The following MORN5 variants were observed in gnomAD, a reference collection of about 807,000 sequenced individuals.
MORN5 encodes the protein MORN repeat-containing protein 5.
Under a neutral mutation model 22.1 loss-of-function variants are expected in MORN5, and 21 were observed. That is an observed-to-expected ratio of 0.95 (90% confidence interval 0.67 to 1.37). The LOEUF (loss-of-function observed/expected upper bound fraction) is 1.37, where lower values mean the gene tolerates loss of function less well. Ranked by LOEUF, MORN5 falls within the 40% of genes most tolerant of loss-of-function variation. The probability of loss-of-function intolerance (pLI) is 0.00; values close to 1 mark genes in which losing one functional copy is unlikely to be tolerated. For missense variants in MORN5, 211 were observed against 215.1 expected (o/e 0.98, Z 0.12); for synonymous variants, 73 against 74.0 (o/e 0.99, Z 0.07).
intron 3 of MORN5, among the ~76,000 whole-genome samples, chr9:122,172,682 C>T (rs1240808785): frequency 6.6e-6 from 1 of 152,120 alleles, no homozygotes; most frequent in Non-Finnish European, 1.5e-5. Context: ...GTGTTCAGCT[C>T]GTCTTCCCAA....
At chr9:122,177,218 G>C (rs986226792) in intron 4 of MORN5, among the ~76,000 whole-genome samples, 1 of 152,204 alleles carries the variant, frequency 6.6e-6, no homozygotes, top group Non-Finnish European at 1.5e-5. Flanking sequence ...GCTGATTCTA[G>C]GAGTGTGGAA....
At chr9:122,168,455 T>A (rs1464088986) in intron 2 of MORN5, among the ~76,000 whole-genome samples, 1 of 152,218 alleles carries the variant, frequency 6.6e-6, no homozygotes, top group South Asian at 2.1e-4. Flanking sequence ...TAAGAGCATC[T>A]TGGGGCCTGA....
At chr9:122,162,838 G>A (rs1362751210) in intron 1 of MORN5, among the ~76,000 whole-genome samples, 3 of 152,210 alleles carry the variant, frequency 2.0e-5, no homozygotes, top group African/African-American at 7.2e-5. Flanking sequence ...GGGGCAAGGA[G>A]GAAGTATTAC....
At chr9:122,176,043 G>A (rs1310303329) in intron 4 of MORN5, among the ~76,000 whole-genome samples, 11 of 151,566 alleles carry the variant, frequency 7.3e-5, no homozygotes, top group Non-Finnish European at 1.3e-4. Context: ...GCGTGAACCC[G>A]GGAGGCGGAG....
intron 4 of MORN5, among the ~76,000 whole-genome samples, chr9:122,196,101 G>T (rs1047154044): frequency 2.0e-5 from 3 of 151,888 alleles, no homozygotes; most frequent in South Asian, 2.1e-4. Context: ...TGGGACCACA[G>T]GTGCTTGCCA....
At chr9:122,188,254 G>A (rs1829681235) in intron 4 of MORN5, among the ~76,000 whole-genome samples, 1 of 152,214 alleles carries the variant, frequency 6.6e-6, no homozygotes, top group Non-Finnish European at 1.5e-5. Flanking sequence ...CTGCAGCTCT[G>A]AAGACAGACT....
chr9:122,167,254 G>T (rs990921330), intron 2 of MORN5, among the ~76,000 whole-genome samples: 5 of 150,830 alleles, frequency 3.3e-5, no homozygotes, highest in Non-Finnish European at 7.4e-5. Flanking sequence ...CACCATGTTT[G>T]CCAGGATGGT....
intron 4 of MORN5, among the ~76,000 whole-genome samples, chr9:122,192,467 C>T (rs148657519): frequency 4.1e-4 from 63 of 152,328 alleles, no homozygotes; most frequent in African/African-American, 1.3e-3. Flanking sequence ...CCCCTCCCTG[C>T]GAATCCTCTG....
chr9:122,174,671 A>G (rs749010347), intron 4 of MORN5, 44 bp downstream of exon 4: 118 of 1,613,126 alleles, frequency 7.3e-5, no homozygotes, highest in Non-Finnish European at 9.7e-5. Context: ...CTTCACCCAC[A>G]TATGAGTATG....
intron 4 of MORN5, among the ~76,000 whole-genome samples, chr9:122,198,780 G>A (rs558727588): frequency 6.6e-6 from 1 of 152,322 alleles, no homozygotes; most frequent in Non-Finnish European, 1.5e-5. Flanking sequence ...AAATGTGACG[G>A]AAGCCAAGCA....
Position 122,159,959 on chromosome 9 carries a change from T to C in MORN5, c.-14T>C, listed in dbSNP as rs560736856. 6.2e-6 allele frequency: 10 copies of C among 1,613,958 alleles called. No homozygotes were observed. In the East Asian group the frequency reaches 1.6e-4, roughly 25 times the overall value. ...ACTCCGGATCCTAACAGCTGGAAGCTAAAAACAGGCGCCATGGAGTACACA... is the reference window on the plus strand; with the variant it reads ...ACTCCGGATCCTAACAGCTGGAAGCCAAAAACAGGCGCCATGGAGTACACA... On this transcript the variant is annotated 5_prime_UTR_variant, in exon 1 of 5. The change abolishes the stop of an existing upstream ORF in the 5' untranslated region. Coordinates refer to ENST00000373764, the MANE Select transcript of MORN5 (RefSeq NM_198469.4).
chr9:122,170,787 G>A (rs528513444), intron 3 of MORN5, among the ~76,000 whole-genome samples: 1 of 152,282 alleles, frequency 6.6e-6, no homozygotes, highest in East Asian at 1.9e-4. Flanking sequence ...TCAGAGAGTG[G>A]CACCTTAAAA....
intron 1 of MORN5, among the ~76,000 whole-genome samples, chr9:122,162,752 G>A (rs1241177154): frequency 6.6e-6 from 1 of 152,218 alleles, no homozygotes; most frequent in Non-Finnish European, 1.5e-5. Context: ...TTCCATTTAT[G>A]TAAAATTCTA....
At chr9:122,163,278 TATC>T (rs762078191) in intron 1 of MORN5, among the ~76,000 whole-genome samples, 6 of 152,168 alleles carry the variant, frequency 3.9e-5, no homozygotes, top group Non-Finnish European at 7.3e-5. Flanking sequence ...TTGAGATAGA[TATC>T]ATTATCCTAT....
chr9:122,160,195 A>G (rs1357838572), intron 1 of MORN5, among the ~76,000 whole-genome samples, 176 bp downstream of exon 1: 1 of 152,198 alleles, frequency 6.6e-6, no homozygotes, highest in Non-Finnish European at 1.5e-5. Flanking sequence ...TTCCATATAT[A>G]CTTATATGTG....
At chr9:122,195,544 G>GA (rs1340218493) in intron 4 of MORN5, among the ~76,000 whole-genome samples, 3 of 152,132 alleles carry the variant, frequency 2.0e-5, no homozygotes, top group Non-Finnish European at 4.4e-5. Context: ...TCTGTCTGAT[G>GA]TTTTTTCTCA....
Position 122,169,651 on chromosome 9 carries a change from T to C in MORN5, c.202T>C (p.Tyr68His), listed in dbSNP as rs1829338041. Reference sequence around the variant, plus strand: ...TGTGCTCCTTGTCTTCCAGGGCACATATACGTTCTCAGATGGGCTGCACTA... The same window carrying C: ...TGTGCTCCTTGTCTTCCAGGGCACACATACGTTCTCAGATGGGCTGCACTA... ...WENGLAIKGTYTFSDGLHYDE... is the reference protein window; with the variant it reads ...WENGLAIKGTHTFSDGLHYDE... The change falls in exon 3 of 5, where the codon TAT (tyrosine) becomes CAT (histidine). Residue 68 changes from tyrosine (Y) to histidine (H), a missense_variant. By Grantham distance (83) the Tyr-to-His change is moderately conservative. Transcript: ENST00000373764. The C allele has an allele frequency of 6.2e-7, 1 of 1,612,742 alleles. No individual in the cohort carries two copies. Among genetic ancestry groups the C allele is most frequent in the South Asian group, 1.1e-5 (1 of 91,068 alleles).
At position 122,169,719 on chromosome 9, in the gene MORN5, G is replaced by C; in HGVS notation, c.270G>C (p.Arg90Ser). ...ATTACTGCGACGGCTATGATCGGAG[G>C]TTTTACACAGAGATCCTCAATGGCT... ...NWHYCDGYDR[R>S]FYTEILNGLK... Residue 90 changes from arginine to serine, a missense_variant, in exon 3 of 5, where the codon AGG (arginine) becomes AGC (serine). By Grantham distance (110) the Arg-to-Ser change is moderately radical. Coordinates refer to ENST00000373764, the MANE Select transcript of MORN5 (RefSeq NM_198469.4). 6.2e-7 allele frequency: 1 copy of C among 1,614,092 alleles called. No homozygotes were observed.
chr9:122,181,809 A>C (rs1030450957), intron 4 of MORN5, among the ~76,000 whole-genome samples: 1 of 152,218 alleles, frequency 6.6e-6, no homozygotes, highest in African/African-American at 2.4e-5. Flanking sequence ...CTATTGGAGA[A>C]ATTATGGTTA....
Sources: allele counts gnomAD v4.1 joint callset (sites outside exome capture counted in the v4.1 genomes callset), GRCh38; gene constraint gnomAD v4.1.1; transcripts MANE v1.5; gene names NCBI Gene and HGNC (gene_info 2026-07-23, HGNC 2026-07-21).